EEFSEC: variants seen among roughly 807,000 people sequenced by gnomAD.
The protein encoded by EEFSEC is eukaryotic elongation factor, selenocysteine-tRNA specific, also known as selenocysteine-specific elongation factor.
Under a neutral mutation model 42.1 loss-of-function variants are expected in EEFSEC, and 43 were observed. The observed-to-expected ratio is 1.02, with a 90% CI of 0.80 to 1.32. The LOEUF is 1.32. EEFSEC is among the 40% of genes most tolerant of loss of function. The pLI, the probability that EEFSEC is intolerant of heterozygous loss-of-function variation, is 0.00. For synonymous variants in EEFSEC, 354 were observed against 339.1 expected, an observed-to-expected ratio of 1.04 and a Z score of -0.48; for missense variants, 745 against 803.6, an observed-to-expected ratio of 0.93 and a Z score of 0.88.
intron 6 of EEFSEC, among the ~76,000 whole-genome samples, chr3:128,396,483 AGCCCTGTGCCAGG>A (rs1211976421): frequency 1.5e-4 from 23 of 152,116 alleles, no homozygotes; most frequent in Admixed American, 1.5e-3. Context: ...TCCTACCCCA[AGCCCTGTGCCAGG>A]CACTGGGACA....
chr3:128,200,071 A>G (rs1044814262), intron 1 of EEFSEC, among the ~76,000 whole-genome samples: 1 of 151,800 alleles, frequency 6.6e-6, no homozygotes. Context: ...ACCGAGGAAA[A>G]GTAAAGCTTT....
At chr3:128,420,715 G>C in the EEFSEC span, among the ~76,000 whole-genome samples, 1 of 152,324 alleles carries the variant, frequency 6.6e-6, no homozygotes, top group African/African-American at 2.4e-5. Flanking sequence ...AGTACCGGAG[G>C]GGAGAAGTGG....
rs1288629950 is a variant in EEFSEC at position 128,335,825 on chromosome 3, T to C, written c.787-5408T>C. 2.0e-5 allele frequency among the ~76,000 whole-genome samples: 3 copies of C among 152,150 alleles called. No homozygotes were observed. In the East Asian group the frequency reaches 5.8e-4, roughly 29 times the overall value. ...GGAAGGGGTCAGGCACTGGACCTAC[T>C]TGGAAGGTAGAGCCGACCCTGTCTC... On this transcript the variant is annotated intron_variant, in intron 4 of 6. Transcript: ENST00000254730.
rs534543537 is a variant in EEFSEC, at chr3:128,217,694, C to G, written c.317-29142C>G. ...GGGCATAGCACCAGCCCCCCCTGGT[C>G]CCCCACTGCCCATGTATATAACTTG... On this transcript the variant is annotated intron_variant, in intron 1 of 6. Coordinates refer to ENST00000254730, the MANE Select transcript of EEFSEC (RefSeq NM_021937.5). Among the ~76,000 whole-genome samples, 12 of 152,288 alleles carry G rather than the reference C, an allele frequency of 7.9e-5. No individual in the cohort carries two copies. The South Asian group carries it at 2.3e-3, about 29-fold the overall frequency.
In EEFSEC at chr3:128,230,881, G is replaced by A. The variant is rs1373830839; in HGVS notation, c.317-15955G>A. Among the ~76,000 whole-genome samples, 3 of 152,144 alleles carry A rather than the reference G, an allele frequency of 2.0e-5. No individual in the cohort carries two copies. The East Asian group carries it at 5.8e-4, about 29-fold the overall frequency. ...GAAATCTAGAGATGGAGGACTCCAG[G>A]AAGTTTCCTTCACAGTTTCCCTTGG... On this transcript the variant is annotated intron_variant, in intron 1 of 6. Transcript: ENST00000254730.
At chr3:128,226,497 G>A (rs1158323560) in intron 1 of EEFSEC, among the ~76,000 whole-genome samples, 2 of 152,192 alleles carry the variant, frequency 1.3e-5, no homozygotes, top group Non-Finnish European at 2.9e-5. Flanking sequence ...TGCATGCTCA[G>A]CATCCTCCGT....
In EEFSEC at chr3:128,153,834, G is replaced by A; in HGVS notation, c.316+11G>A. The A allele has an allele frequency of 6.7e-7, 1 of 1,501,178 alleles. No individual in the cohort carries two copies. The highest frequency in any genetic ancestry group is 8.8e-7 in the Non-Finnish European group (1 of 1,132,616). 93.0% of individuals were successfully genotyped at this position (1,501,178 alleles called of 1,614,324 possible). ...GGACCATCATCGGCGGTGAGCGCGG[G>A]CCGGGGCGGGAGCCGGGCTCAGGGA... On this transcript the variant is annotated intron_variant, in intron 1 of 6. Transcript: ENST00000254730.
intron 4 of EEFSEC, among the ~76,000 whole-genome samples, chr3:128,280,431 C>G (rs767155643): frequency 6.6e-6 from 1 of 152,242 alleles, no homozygotes; most frequent in Non-Finnish European, 1.5e-5. Flanking sequence ...CCCTTGTGCC[C>G]TCACTCGGCT....
At chr3:128,363,408 C>CA (rs933535142) in intron 6 of EEFSEC, among the ~76,000 whole-genome samples, 8 of 152,356 alleles carry the variant, frequency 5.3e-5, no homozygotes, top group African/African-American at 1.7e-4. Flanking sequence ...CGAGACTCCC[C>CA]ACACCATGAT....
intron 1 of EEFSEC, among the ~76,000 whole-genome samples, chr3:128,206,823 A>G (rs2065701867): frequency 6.6e-6 from 1 of 152,132 alleles, no homozygotes; most frequent in Non-Finnish European, 1.5e-5. Flanking sequence ...ACTTCACTTT[A>G]CTTCTGCTGC....
downstream of EEFSEC, among the ~76,000 whole-genome samples, chr3:128,411,068 G>A (rs1193718121): frequency 1.3e-5 from 2 of 152,222 alleles, no homozygotes; most frequent in African/African-American, 4.8e-5. Flanking sequence ...TATCAGGCCC[G>A]GCATCGGTGG....
At chr3:128,162,334 C>T (rs1431075877) in intron 1 of EEFSEC, among the ~76,000 whole-genome samples, 1 of 152,250 alleles carries the variant, frequency 6.6e-6, no homozygotes, top group Non-Finnish European at 1.5e-5. Flanking sequence ...TGCTTGCCTT[C>T]ACTTGCTTCA....
chr3:128,343,447 C>T (rs1376960982), intron 5 of EEFSEC, among the ~76,000 whole-genome samples: 1 of 152,264 alleles, frequency 6.6e-6, no homozygotes, highest in East Asian at 1.9e-4. Flanking sequence ...GAGCTTGGAC[C>T]CTTAGCTCCG....
At chr3:128,408,892 G>A (rs1031785542), downstream of EEFSEC, among the ~76,000 whole-genome samples, 1 of 152,232 alleles carries the variant, frequency 6.6e-6, no homozygotes. Flanking sequence ...TCCAGGGAAG[G>A]TACCCACAGG....
chr3:128,388,115 G>T (rs951183200), intron 6 of EEFSEC, among the ~76,000 whole-genome samples: 2 of 152,282 alleles, frequency 1.3e-5, no homozygotes, highest in East Asian at 3.9e-4. Flanking sequence ...GCAGAACCAC[G>T]ACTTGAGAAA....
chr3:128,333,731 A>T (rs1381302652), intron 4 of EEFSEC, among the ~76,000 whole-genome samples: 1 of 152,184 alleles, frequency 6.6e-6, no homozygotes, highest in East Asian at 1.9e-4. Context: ...GAGAACAGAG[A>T]TGAGCACAGG....
At chr3:128,172,285 G>C (rs984652812) in intron 1 of EEFSEC, among the ~76,000 whole-genome samples, 1 of 152,232 alleles carries the variant, frequency 6.6e-6, no homozygotes, top group African/African-American at 2.4e-5. Flanking sequence ...TAAGGACATA[G>C]TGATGGTCAG....
At chr3:128,247,702 G>T (rs778424009) in intron 2 of EEFSEC, among the ~76,000 whole-genome samples, 1 of 152,164 alleles carries the variant, frequency 6.6e-6, no homozygotes, top group Non-Finnish European at 1.5e-5. Flanking sequence ...TTATGCAAGG[G>T]GTGGCTAGAT....
chr3:128,398,572 G>A (rs1050866891), intron 6 of EEFSEC, among the ~76,000 whole-genome samples: 1 of 152,136 alleles, frequency 6.6e-6, no homozygotes, highest in African/African-American at 2.4e-5. Flanking sequence ...AGTGGGAGAG[G>A]GTCCTGGCCA....
Sources: allele counts gnomAD v4.1 joint callset (sites outside exome capture counted in the v4.1 genomes callset), GRCh38; gene constraint gnomAD v4.1.1; transcripts MANE v1.5; gene names NCBI Gene and HGNC (gene_info 2026-07-23, HGNC 2026-07-21).